The following EGFLAM variants were observed in gnomAD, a reference collection of about 807,000 sequenced individuals.
EGFLAM encodes the protein pikachurin.
In EGFLAM, 79 loss-of-function variants were observed where a neutral mutation model predicts 113.1. The observed-to-expected ratio is 0.70, with a 90% confidence interval of 0.58 to 0.84. EGFLAM has a LOEUF of 0.84. Among genes scored for constraint, EGFLAM ranks in the 40% least tolerant of loss-of-function variants. EGFLAM has a pLI of 0.00. For synonymous variants in EGFLAM, 504 were observed against 487.6 expected, an observed-to-expected ratio of 1.03 and a Z score of -0.44; for missense variants, 1,265 against 1,291.6, an observed-to-expected ratio of 0.98 and a Z score of 0.32.
chr5:38,295,721 T>G (rs1018677154), intron 1 of EGFLAM, among the ~76,000 whole-genome samples: 1 of 152,200 alleles, frequency 6.6e-6, no homozygotes, highest in Non-Finnish European at 1.5e-5. Context: ...AGGCAACTAG[T>G]AAAACCTGTC....
intron 1 of EGFLAM, among the ~76,000 whole-genome samples, chr5:38,295,033 G>T (rs1231112905): frequency 6.6e-6 from 1 of 152,160 alleles, no homozygotes; most frequent in Non-Finnish European, 1.5e-5. Context: ...CTCCATGTTG[G>T]TCAGGCTGGT....
intron 4 of EGFLAM, 79 bp from the exon 5 acceptor site, chr5:38,352,117 A>G: frequency 6.3e-7 from 1 of 1,588,252 alleles, no homozygotes; most frequent in Admixed American, 1.7e-5. Context: ...AATGGCTGAG[A>G]CCACCAGCCT....
chr5:38,337,782 G>A (rs1172424500), intron 2 of EGFLAM, among the ~76,000 whole-genome samples, 153 bp downstream of exon 2: 1 of 152,144 alleles, frequency 6.6e-6, no homozygotes, highest in African/African-American at 2.4e-5. Flanking sequence ...GCTTTGGAGG[G>A]TATTTGTAAA....
chr5:38,343,676 G>A (rs1739402843), intron 3 of EGFLAM, among the ~76,000 whole-genome samples: 1 of 152,194 alleles, frequency 6.6e-6, no homozygotes, highest in Non-Finnish European at 1.5e-5. Context: ...GCCGTCCTCA[G>A]TGCATTGGAG....
intron 19 of EGFLAM, among the ~76,000 whole-genome samples, chr5:38,457,922 T>C (rs1253718933): frequency 6.6e-6 from 1 of 150,736 alleles, no homozygotes; most frequent in African/African-American, 2.4e-5. Flanking sequence ...AGTCAGAAGG[T>C]AGAAGGCTGG....
intron 6 of EGFLAM, among the ~76,000 whole-genome samples, chr5:38,393,382 T>C (rs1740866058): frequency 6.6e-6 from 1 of 152,166 alleles, no homozygotes; most frequent in Admixed American, 6.5e-5. Context: ...ACAATAGTGA[T>C]GAGACAGGTT....
At position 38,409,135 on chromosome 5, in the gene EGFLAM, T is replaced by C. The variant is rs763494196; in HGVS notation, c.1349+31T>C. Reference sequence around the variant, plus strand: ...TCCTGCCAAAAGCCTCACACTCTTTTTTTGTTACATTATCTTACATTATAT... The same window carrying C: ...TCCTGCCAAAAGCCTCACACTCTTTCTTTGTTACATTATCTTACATTATAT... On this transcript the variant is annotated intron_variant, in intron 10 of 21. Transcript: ENST00000322350. The C allele has an allele frequency of 2.7e-6, 4 of 1,492,658 alleles. No homozygotes were observed. In the South Asian group the frequency reaches 3.8e-5, roughly 14 times the overall value. 92.5% of individuals were successfully genotyped at this position (1,492,658 alleles called of 1,614,324 possible). A position where few individuals can be genotyped will look rare whatever the true frequency, so the allele number is the denominator to read the frequency against.
chr5:38,379,820 G>A (rs1259520402), intron 6 of EGFLAM, among the ~76,000 whole-genome samples: 1 of 124,386 alleles, frequency 8.0e-6, no homozygotes, highest in Non-Finnish European at 1.6e-5. Flanking sequence ...TCTAGACTCA[G>A]GCAAAAGGAA....
intron 12 of EGFLAM, among the ~76,000 whole-genome samples, chr5:38,419,362 A>T (rs372772336): frequency 2.0e-5 from 3 of 152,202 alleles, no homozygotes; most frequent in Admixed American, 1.3e-4. Context: ...CACTACTCTA[A>T]GCGTCACATC....
At chr5:38,348,485 T>G (rs1333429323) in intron 3 of EGFLAM, among the ~76,000 whole-genome samples, 1 of 152,046 alleles carries the variant, frequency 6.6e-6, no homozygotes, top group African/African-American at 2.4e-5. Context: ...GCCAAGAGAT[T>G]GAAGAAGCAA....
chr5:38,404,386 G>A (rs1390462439), intron 6 of EGFLAM, among the ~76,000 whole-genome samples: 2 of 152,172 alleles, frequency 1.3e-5, no homozygotes, highest in Non-Finnish European at 2.9e-5. Context: ...ATGTGAAGAT[G>A]CAGTGAGAAG....
intron 6 of EGFLAM, among the ~76,000 whole-genome samples, chr5:38,382,527 C>T (rs946802511): frequency 1.3e-5 from 2 of 152,156 alleles, no homozygotes; most frequent in African/African-American, 4.8e-5. Flanking sequence ...ACCATTATTT[C>T]TCCATTAGTT....
intron 6 of EGFLAM, 54 bp from the exon 7 acceptor site, chr5:38,406,072 A>G (rs762232764): frequency 2.1e-6 from 3 of 1,400,452 alleles, no homozygotes; most frequent in African/African-American, 1.4e-5. Flanking sequence ...AGGCTAGACA[A>G]TAGTGCAAAG....
chr5:38,411,754 A>T (rs1177244380), intron 10 of EGFLAM, among the ~76,000 whole-genome samples: 1 of 151,980 alleles, frequency 6.6e-6, no homozygotes, highest in Non-Finnish European at 1.5e-5. Context: ...AAGTGCTGGG[A>T]TTACAGATGT....
intron 6 of EGFLAM, among the ~76,000 whole-genome samples, chr5:38,377,856 A>G (rs1740405985): frequency 6.6e-6 from 1 of 152,176 alleles, no homozygotes; most frequent in Admixed American, 6.5e-5. Context: ...CGGGTTGGTG[A>G]AAGGAGAGAC....
intron 1 of EGFLAM, among the ~76,000 whole-genome samples, chr5:38,325,131 G>T (rs1422641720): frequency 6.6e-6 from 1 of 152,124 alleles, no homozygotes; most frequent in African/African-American, 2.4e-5. Flanking sequence ...AGGGAAGAGG[G>T]TATAGTGGGA....
chr5:38,268,044 T>A (rs1757675199), intron 1 of EGFLAM, among the ~76,000 whole-genome samples: 1 of 152,150 alleles, frequency 6.6e-6, no homozygotes, highest in Non-Finnish European at 1.5e-5. Context: ...CATTTCTGTG[T>A]TTCCCTCACA....
chr5:38,448,353 G>T lies in EGFLAM; in HGVS notation c.2517G>T (p.Thr839=), dbSNP rs770683635. The T allele has an allele frequency of 1.2e-6, 2 of 1,614,126 alleles. No individual in the cohort carries two copies. Among genetic ancestry groups the T allele is most frequent in the South Asian group, 1.1e-5 (1 of 91,064 alleles). The change falls in exon 18 of 22, where the codon ACG becomes ACT. Residue 839 remains threonine, a synonymous_variant. Transcript: ENST00000322350. ...AGTTTATCGGCCGCAGTTACCTGAC[G>T]TATGACAACCCAGATATCTTGAAGA... ...IPQFIGRSYL[T]YDNPDILKRV...
At chr5:38,463,716 T>A in intron 21 of EGFLAM, 116 bp from the exon 22 acceptor site, 1 of 1,295,182 alleles carries the variant, frequency 7.7e-7, no homozygotes, top group Non-Finnish European at 1.1e-6. Context: ...ACATGTCCCA[T>A]GAATCAAGGG....
Sources: allele counts gnomAD v4.1 joint callset (sites outside exome capture counted in the v4.1 genomes callset), GRCh38; gene constraint gnomAD v4.1.1; transcripts MANE v1.5; gene names NCBI Gene and HGNC (gene_info 2026-07-23, HGNC 2026-07-21).